KHDRBS1: variants seen among roughly 807,000 people sequenced by gnomAD.
KHDRBS1 encodes the protein KH RNA binding domain containing, signal transduction associated 1, also known as KH domain-containing, RNA-binding, signal transduction-associated protein 1.
Under a neutral mutation model 48.4 loss-of-function variants are expected in KHDRBS1, and 7 were observed. The ratio of observed to expected loss-of-function variants is 0.14; its 90% CI spans 0.08 to 0.27. The LOEUF is 0.27. KHDRBS1 is among the 10% of genes least tolerant of loss of function. The pLI, the probability that KHDRBS1 is intolerant of heterozygous loss-of-function variation, is 1.00. For missense variants in KHDRBS1, 458 were observed against 601.2 expected, an observed-to-expected ratio of 0.76 and a Z score of 2.49; for synonymous variants, 241 against 235.8, an observed-to-expected ratio of 1.02 and a Z score of -0.20.
At chr1:32,025,419 G>A (rs1638948204) in intron 1 of KHDRBS1, among the ~76,000 whole-genome samples, 1 of 145,174 alleles carries the variant, frequency 6.9e-6, no homozygotes, top group Admixed American at 7.2e-5. Context: ...TTCTGTCTCA[G>A]CCTCCCAAAC....
rs1054624212 is a variant in KHDRBS1, at chr1:32,056,580, A to G, written n.1302-3583A>G. Reference sequence around the variant, plus strand: ...TAGAAGAGTTTGGGTTCAGATACAGAGCTAATTATTCCCAGGGGTCTTCTA... The same window carrying G: ...TAGAAGAGTTTGGGTTCAGATACAGGGCTAATTATTCCCAGGGGTCTTCTA... On this transcript the variant is annotated intron_variant and non_coding_transcript_variant, in intron 10 of 10. Coordinates refer to the KHDRBS1 transcript ENST00000484270. 3.9e-5 allele frequency among the ~76,000 whole-genome samples: 6 copies of G among 152,276 alleles called. No individual in the cohort carries two copies. The East Asian group carries it at 5.8e-4, about 15-fold the overall frequency.
intron 10 of KHDRBS1, among the ~76,000 whole-genome samples, chr1:32,049,859 C>T (rs1229985268): frequency 6.6e-6 from 1 of 151,944 alleles, no homozygotes; most frequent in Non-Finnish European, 1.5e-5. Flanking sequence ...GACGGGGTTT[C>T]ACCGTGTTAG....
intron 3 of KHDRBS1, among the ~76,000 whole-genome samples, chr1:32,032,740 G>C (rs553394985): frequency 6.6e-6 from 1 of 151,002 alleles, no homozygotes; most frequent in Admixed American, 6.6e-5. Flanking sequence ...TTGCTCTATT[G>C]CCCAGGCTGG....
At chr1:32,019,843 C>T (rs988112869) in intron 1 of KHDRBS1, among the ~76,000 whole-genome samples, 2 of 152,268 alleles carry the variant, frequency 1.3e-5, no homozygotes, top group African/African-American at 2.4e-5. Flanking sequence ...GCGATCTTGG[C>T]TGACTGCTAC....
chr1:32,020,935 TG>T (rs1638845415), intron 1 of KHDRBS1, among the ~76,000 whole-genome samples: 4 of 151,892 alleles, frequency 2.6e-5, no homozygotes, highest in Admixed American at 2.6e-4. Flanking sequence ...CATGTAAAGG[TG>T]GTGAAATCCT....
intron 1 of KHDRBS1, among the ~76,000 whole-genome samples, chr1:32,026,526 T>C (rs777617721): frequency 6.6e-6 from 1 of 152,166 alleles, no homozygotes; most frequent in Non-Finnish European, 1.5e-5. Flanking sequence ...AGTTCAAAAA[T>C]AGAAGAATCC....
chr1:32,024,677 A>G (rs1638928216), intron 1 of KHDRBS1, among the ~76,000 whole-genome samples: 1 of 151,992 alleles, frequency 6.6e-6, no homozygotes, highest in Non-Finnish European at 1.5e-5. Flanking sequence ...TTTATGACCT[A>G]GAGATAGTTA....
chr1:32,014,446 C>A, intron 1 of KHDRBS1, 69 bp downstream of exon 1: 1 of 1,254,802 alleles, frequency 8.0e-7, no homozygotes. Flanking sequence ...TGGCTTTGTT[C>A]CTCTCGCTTC....
At chr1:32,038,355 A>G (rs1639223726) in intron 6 of KHDRBS1, among the ~76,000 whole-genome samples, 197 bp from the exon 7 acceptor site, 1 of 152,164 alleles carries the variant, frequency 6.6e-6, no homozygotes, top group African/African-American at 2.4e-5. Flanking sequence ...CTTCTGTGGC[A>G]TATCATATTT....
chr1:32,015,661 A>T (rs1638725547), intron 1 of KHDRBS1, among the ~76,000 whole-genome samples: 1 of 152,038 alleles, frequency 6.6e-6, no homozygotes. Context: ...GGCTTTCTGG[A>T]TGTATTTTTT....
At chr1:32,038,393 T>G (rs1337815297) in intron 6 of KHDRBS1, among the ~76,000 whole-genome samples, 159 bp from the exon 7 acceptor site, 3 of 152,210 alleles carry the variant, frequency 2.0e-5, no homozygotes, top group Non-Finnish European at 4.4e-5. Flanking sequence ...TTAGTAACCC[T>G]TTCTCTTTTG....
At chr1:32,055,782 C>T (rs971842485) in intron 10 of KHDRBS1, among the ~76,000 whole-genome samples, 1 of 151,994 alleles carries the variant, frequency 6.6e-6, no homozygotes, top group African/African-American at 2.4e-5. Flanking sequence ...GCTCTCGGCT[C>T]CTAAGGAGGC....
chr1:32,022,993 T>C (rs1312942904), intron 1 of KHDRBS1, among the ~76,000 whole-genome samples: 1 of 152,208 alleles, frequency 6.6e-6, no homozygotes, highest in Non-Finnish European at 1.5e-5. Context: ...TTCTCTAATA[T>C]TAACTTTTTT....
intron 1 of KHDRBS1, among the ~76,000 whole-genome samples, chr1:32,015,870 A>G (rs1304851898): frequency 3.9e-5 from 6 of 152,198 alleles, no homozygotes; most frequent in Non-Finnish European, 2.9e-5. Flanking sequence ...GAATAGTAGT[A>G]TTTAAGCTCT....
chr1:32,034,458 G>A (rs1056404942), intron 4 of KHDRBS1, among the ~76,000 whole-genome samples: 1 of 152,192 alleles, frequency 6.6e-6, no homozygotes, highest in African/African-American at 2.4e-5. Flanking sequence ...TACTAGGGAG[G>A]CTGAGGCGGG....
chr1:32,032,702 C>CT (rs929075517), intron 3 of KHDRBS1, among the ~76,000 whole-genome samples: 194 of 146,276 alleles, frequency 1.3e-3, no homozygotes, highest in Middle Eastern at 7.2e-3. Flanking sequence ...GTTTGTTTTA[C>CT]TTTTTTTTTT....
chr1:32,016,198 AAAAAG>A (rs1311816670), intron 1 of KHDRBS1, among the ~76,000 whole-genome samples: 5 of 151,966 alleles, frequency 3.3e-5, no homozygotes, highest in Non-Finnish European at 5.9e-5. Flanking sequence ...AAAAAAAAAA[AAAAAG>A]AAAAGAACAC....
chr1:32,033,613 T>C (rs1639121508), intron 4 of KHDRBS1, among the ~76,000 whole-genome samples: 1 of 152,226 alleles, frequency 6.6e-6, no homozygotes. Flanking sequence ...TTCTGATATT[T>C]GGTTAACTAA....
At chr1:32,044,808 C>T (rs991204781), downstream of KHDRBS1, among the ~76,000 whole-genome samples, 2 of 151,972 alleles carry the variant, frequency 1.3e-5, no homozygotes, top group African/African-American at 4.8e-5. Context: ...ACATGCATCG[C>T]AAAAAACCAA....
Sources: gnomAD v4.1 joint callset for allele counts (sites outside exome capture counted in the v4.1 genomes callset) on GRCh38, gnomAD v4.1.1 for gene constraint, MANE v1.5 for transcripts, NCBI Gene and HGNC (gene_info 2026-07-23, HGNC 2026-07-21) for gene names.